Variants in APOL4 observed in about 807,000 individuals in gnomAD.
APOL4 encodes the protein apolipoprotein L4.
Under a neutral mutation model 12.1 loss-of-function variants are expected in APOL4, and 14 were observed. The observed-to-expected ratio is 1.16, with a 90% CI of 0.76 to 1.81. The LOEUF (loss-of-function observed/expected upper bound fraction) is 1.81, where lower values mean the gene tolerates loss of function less well. APOL4 is among the 40% of genes most tolerant of loss of function. APOL4 has a pLI of 0.00. For missense variants in APOL4, 432 were observed against 423.1 expected (o/e 1.02, Z -0.18); for synonymous variants, 171 against 160.6 (o/e 1.06, Z -0.49).
upstream of APOL4, chr22:36,202,225 A>C: frequency 2.4e-6 from 2 of 844,814 alleles, no homozygotes; most frequent in Non-Finnish European, 1.9e-6. Context: ...TCCTCCTTCA[A>C]CCTTCTGAGT....
In APOL4 at chr22:36,191,399, CG is replaced by C; in HGVS notation, c.722del (p.Ala241GlyfsTer18). On this transcript the variant is annotated frameshift_variant, in exon 4 of 4. Transcript: ENST00000683024. LOFTEE classifies it low-confidence loss of function (END_TRUNC). Reference protein sequence around the residue: ...LDFDEATKMIANDVHTLRRSK... With the variant: ...LDFDEATKMIXNDVHTLRRSK... ...ATCTCCTGAGTGTATGGACATCATT[CG>C]CAATCATTTTTGTGGCTTCGTCAAA... 1 of 1,614,046 alleles carries C rather than the reference CG, an allele frequency of 6.2e-7. No individual in the cohort carries two copies.
intron 2 of APOL4, chr22:36,197,509 A>C: frequency 2.3e-6 from 3 of 1,331,700 alleles, no homozygotes. Flanking sequence ...ATATTAAAGC[A>C]AAATTAAAAT....
intron 2 of APOL4, chr22:36,197,454 C>A (rs986601155): frequency 1.6e-5 from 13 of 806,090 alleles, no homozygotes; most frequent in Non-Finnish European, 2.3e-5. Context: ...TGGAGGGAAC[C>A]TCCAGCACTA....
intron 1 of APOL4, chr22:36,199,699 G>A: frequency 6.7e-7 from 1 of 1,501,806 alleles, no homozygotes; most frequent in Non-Finnish European, 9.0e-7. Context: ...AATAGAGATG[G>A]GAAGGAACGT....
Position 36,192,931 on chromosome 22 carries a change from G to C in APOL4, c.210-1019C>G, listed in dbSNP as rs1012708462. Among the ~76,000 whole-genome samples the C allele has an allele frequency of 3.9e-5, 6 of 152,150 alleles. No individual in the cohort carries two copies. The East Asian group carries it at 1.2e-3, about 29-fold the overall frequency. On this transcript the variant is annotated intron_variant, in intron 3 of 3. Transcript: ENST00000683024. ...ATGAGTTAAGAAAGACTTACTCCTT[G>C]GCCAAACTTCAGTTGGGCGGTTCTG...
chr22:36,195,817 C>A (rs1007621042), intron 2 of APOL4, among the ~76,000 whole-genome samples: 3 of 145,446 alleles, frequency 2.1e-5, no homozygotes, highest in South Asian at 2.3e-4. Flanking sequence ...CACACACACA[C>A]CACTGTGAAG....
chr22:36,202,613 C>T (rs1014297517), upstream of APOL4, among the ~76,000 whole-genome samples: 2 of 151,914 alleles, frequency 1.3e-5, no homozygotes, highest in East Asian at 3.9e-4. Flanking sequence ...GTAGTCCCAG[C>T]TACTCGGGAG....
At chr22:36,199,550 C>T (rs1182458504) in intron 1 of APOL4, 174 bp from the exon 2 acceptor site, 1 of 1,579,922 alleles carries the variant, frequency 6.3e-7, no homozygotes, top group Non-Finnish European at 8.6e-7. Context: ...TTTACAGACA[C>T]TCAACTCATT....
In APOL4 at chr22:36,191,063, C is replaced by T; in HGVS notation, c.*12G>A. ...TCCGTTTGGGGTCCCTGACTTCCCGCAACAATTGGGCCTAGCCTGCTTTTA... is the reference window on the plus strand; with the variant it reads ...TCCGTTTGGGGTCCCTGACTTCCCGTAACAATTGGGCCTAGCCTGCTTTTA... On this transcript the variant is annotated 3_prime_UTR_variant, in exon 4 of 4. Transcript: ENST00000683024. 6.4e-7 allele frequency: 1 copy of T among 1,573,224 alleles called. No homozygotes were observed.
At chr22:36,198,595 T>C (rs1317738451) in intron 2 of APOL4, among the ~76,000 whole-genome samples, 1 of 152,116 alleles carries the variant, frequency 6.6e-6, no homozygotes, top group Non-Finnish European at 1.5e-5. Context: ...GGGGGTGGCT[T>C]CCACTTACAA....
rs2014178670 is a variant in APOL4 at position 36,189,329 on chromosome 22, C to T, written c.*1746G>A. The T allele has an allele frequency of 6.6e-6, 1 of 152,210 alleles. No homozygotes were observed. Among genetic ancestry groups the T allele is most frequent in the African/African-American group, 2.4e-5 (1 of 41,442 alleles). The allele number at this position is 152,210 out of a possible 1,614,324, so 9.4% of individuals were successfully genotyped here. On this transcript the variant is annotated 3_prime_UTR_variant, in exon 4 of 4. Transcript: ENST00000683024. ...TTTGGATTCTCAGAGACACCTGGTC[C>T]TCAGCTGGGCACCATGGAAATGGCT... is the stretch of plus-strand genomic sequence containing the variant.
intron 1 of APOL4, chr22:36,201,448 A>G (rs180686617): frequency 2.2e-6 from 2 of 921,278 alleles, no homozygotes; most frequent in African/African-American, 1.8e-5. Flanking sequence ...GCCCCCATGC[A>G]ACAAGGGTAA....
intron 3 of APOL4, among the ~76,000 whole-genome samples, chr22:36,193,503 C>T (rs973056332): frequency 2.0e-5 from 3 of 152,148 alleles, no homozygotes; most frequent in Non-Finnish European, 4.4e-5. Context: ...ATGTCTCTTC[C>T]TTAATCTGTG....
chr22:36,192,965 C>T (rs2014305147), intron 3 of APOL4, among the ~76,000 whole-genome samples: 1 of 152,212 alleles, frequency 6.6e-6, no homozygotes, highest in East Asian at 1.9e-4. Context: ...TGAGCCTCTT[C>T]TCCTCTAGAC....
At position 36,191,810 on chromosome 22, in the gene APOL4, C is replaced by A; in HGVS notation, c.312G>T (p.Trp104Cys). 3.1e-6 allele frequency: 5 copies of A among 1,613,956 alleles called. No individual in the cohort carries two copies. In the South Asian group the frequency reaches 4.4e-5, roughly 14 times the overall value. Residue 104 changes from tryptophan to cysteine, a missense_variant, in exon 4 of 4, where the codon TGG becomes TGT. Coordinates refer to ENST00000683024, the MANE Select transcript of APOL4 (RefSeq NM_001386885.1). ...TGATTTGAGGAAACTCTTTCAAAAA[C>A]CACTCCCTAAACTGCTGTTCTTTTT... ...MQQKEQQFRE[W>C]FLKEFPQIRW...
At chr22:36,197,584 C>CT in intron 2 of APOL4, 1 of 1,471,920 alleles carries the variant, frequency 6.8e-7, no homozygotes, top group Non-Finnish European at 9.0e-7. Flanking sequence ...CAGCTGTAAC[C>CT]CCCCATGAAA....
At chr22:36,202,599 G>A (rs6000183), upstream of APOL4, among the ~76,000 whole-genome samples, 17,506 of 151,836 alleles carry the variant, frequency 0.12, 1,101 homozygotes, top group African/African-American at 0.17. Context: ...AGTGGCGGGC[G>A]CCTGTAGTCC....
intron 1 of APOL4, among the ~76,000 whole-genome samples, chr22:36,200,085 G>A (rs1433590982): frequency 6.6e-6 from 1 of 151,072 alleles, no homozygotes; most frequent in Non-Finnish European, 1.5e-5. Context: ...GGGATTACAG[G>A]CGTGAGCGGT....
chr22:36,197,474 T>G (rs2014444613), intron 2 of APOL4: 1 of 1,009,088 alleles, frequency 9.9e-7, no homozygotes, highest in South Asian at 2.9e-5. Flanking sequence ...AAATTTGTGT[T>G]TTATTGATGG....
Sources: gnomAD v4.1 joint callset for allele counts (sites outside exome capture counted in the v4.1 genomes callset) on GRCh38, gnomAD v4.1.1 for gene constraint, MANE v1.5 for transcripts, NCBI Gene and HGNC (gene_info 2026-07-23, HGNC 2026-07-21) for gene names.